The following NDST4 variants were observed in gnomAD, a reference collection of about 807,000 sequenced individuals.
The protein encoded by NDST4 is N-deacetylase and N-sulfotransferase 4.
A neutral mutation model predicts 100.8 loss-of-function variants in NDST4; 63 were observed. That is an observed-to-expected ratio of 0.62 (90% CI 0.51 to 0.77). The LOEUF (loss-of-function observed/expected upper bound fraction) is 0.77, where lower values mean the gene tolerates loss of function less well. Among genes scored for constraint, NDST4 ranks in the 30% least tolerant of loss-of-function variants. The probability of loss-of-function intolerance (pLI) is 0.00; values close to 1 mark genes in which losing one functional copy is unlikely to be tolerated. For synonymous variants in NDST4, 377 were observed against 361.8 expected, an observed-to-expected ratio of 1.04 and a Z score of -0.48; for missense variants, 943 against 1,018.4, an observed-to-expected ratio of 0.93 and a Z score of 1.01.
intron 2 of NDST4, among the ~76,000 whole-genome samples, chr4:115,054,691 G>A (rs888491956): frequency 2.6e-5 from 4 of 152,080 alleles, no homozygotes; most frequent in African/African-American, 9.7e-5. Context: ...CCATTCCAGA[G>A]GAAAACCAAT....
At chr4:114,940,625 A>G (rs1725728497) in intron 4 of NDST4, among the ~76,000 whole-genome samples, 1 of 152,168 alleles carries the variant, frequency 6.6e-6, no homozygotes, top group Non-Finnish European at 1.5e-5. Flanking sequence ...TTTGCCGTCC[A>G]TGGATGGCTT....
chr4:115,005,370 T>C (rs1037127888), intron 2 of NDST4, among the ~76,000 whole-genome samples: 1 of 152,076 alleles, frequency 6.6e-6, no homozygotes. Flanking sequence ...TAATGGCAGG[T>C]GTTTCTAAGC....
chr4:115,018,868 C>T (rs1578457750), intron 2 of NDST4, among the ~76,000 whole-genome samples: 2 of 151,912 alleles, frequency 1.3e-5, no homozygotes, highest in East Asian at 1.9e-4. Context: ...TCTCCCAAAA[C>T]TTATCTTTCA....
At chr4:114,841,786 T>C (rs777895502) in intron 10 of NDST4, among the ~76,000 whole-genome samples, 1 of 152,230 alleles carries the variant, frequency 6.6e-6, no homozygotes, top group Non-Finnish European at 1.5e-5. Context: ...TGGGAAATAC[T>C]GACTCGTGTA....
At chr4:114,956,777 C>A (rs1726150911) in intron 4 of NDST4, among the ~76,000 whole-genome samples, 2 of 152,116 alleles carry the variant, frequency 1.3e-5, no homozygotes, top group South Asian at 2.1e-4. Context: ...AATTATCCAG[C>A]CATTCCATTT....
chr4:114,939,138 G>C (rs11736926), intron 4 of NDST4, among the ~76,000 whole-genome samples: 110,183 of 152,020 alleles, frequency 0.72, 40,895 homozygotes, highest in African/African-American at 0.89. Flanking sequence ...TTCCATGCTC[G>C]CCAATGAGTG....
chr4:114,836,460 G>T (rs986857905), intron 11 of NDST4, among the ~76,000 whole-genome samples: 3 of 152,096 alleles, frequency 2.0e-5, no homozygotes, highest in African/African-American at 7.2e-5. Flanking sequence ...CTCTCTTCTG[G>T]CTTGTAGGGG....
chr4:115,019,825 C>T (rs1432616334), intron 2 of NDST4, among the ~76,000 whole-genome samples: 1 of 152,080 alleles, frequency 6.6e-6, no homozygotes, highest in African/African-American at 2.4e-5. Flanking sequence ...GTTGGGCTAG[C>T]TTCCCAGTCT....
At position 114,989,235 on chromosome 4, in the gene NDST4, T is replaced by G. The variant is rs568597971; in HGVS notation, c.979-11961A>C. 4.3e-4 allele frequency among the ~76,000 whole-genome samples: 66 copies of G among 152,330 alleles called. 3 individuals carry two copies. The South Asian group carries it at 0.014, about 32-fold the overall frequency. On this transcript the variant is annotated intron_variant, in intron 2 of 13. Transcript: ENST00000264363. ...ATGCATGAATGGTAACATTTTCCAG[T>G]ACAGCTCTCATTTCCCAACAAGAGA...
chr4:114,922,190 G>T (rs182499219), intron 6 of NDST4, among the ~76,000 whole-genome samples: 72 of 152,278 alleles, frequency 4.7e-4, no homozygotes, highest in Admixed American at 1.6e-3. Context: ...TGAAACTGGT[G>T]ATCAGCAGCT....
In NDST4 at chr4:115,008,942, A is replaced by G. The variant is rs1578449285; in HGVS notation, c.979-31668T>C. Among the ~76,000 whole-genome samples, 4 of 128,372 alleles carry G rather than the reference A, an allele frequency of 3.1e-5. 2 individuals carry two copies. The Middle Eastern group carries it at 0.017, about 558-fold the overall frequency. The allele number at this position is 128,372 out of a possible 152,430, so 84.2% of individuals were successfully genotyped here. On this transcript the variant is annotated intron_variant, in intron 2 of 13. Transcript: ENST00000264363. ...GTGAACTCCTATTCACAATTGCTTC[A>G]AAGAGAATAAAATACCTAGGAATCC...
chr4:114,933,023 G>C (rs748871335), intron 6 of NDST4, among the ~76,000 whole-genome samples: 1 of 152,052 alleles, frequency 6.6e-6, no homozygotes, highest in Non-Finnish European at 1.5e-5. Flanking sequence ...AAGCAATCTT[G>C]AGAAACAAGA....
intron 2 of NDST4, among the ~76,000 whole-genome samples, chr4:115,034,199 T>C (rs1378255124): frequency 2.6e-5 from 4 of 152,088 alleles, no homozygotes; most frequent in African/African-American, 9.7e-5. Flanking sequence ...TTCAAACATG[T>C]TAATTACATT....
At chr4:115,075,497 G>A (rs1729158584) in intron 2 of NDST4, among the ~76,000 whole-genome samples, 1 of 152,070 alleles carries the variant, frequency 6.6e-6, no homozygotes, top group Non-Finnish European at 1.5e-5. Context: ...CTTAAGAAGA[G>A]GCAAGGAGGC....
At chr4:115,012,200 A>G (rs570508938) in intron 2 of NDST4, among the ~76,000 whole-genome samples, 3 of 152,168 alleles carry the variant, frequency 2.0e-5, no homozygotes, top group East Asian at 1.9e-4. Context: ...ATAATTTATC[A>G]ATTTTATAAC....
intron 4 of NDST4, among the ~76,000 whole-genome samples, chr4:114,956,587 C>T (rs1449147568): frequency 6.6e-5 from 10 of 152,118 alleles, no homozygotes; most frequent in African/African-American, 1.9e-4. Context: ...AAGTATACAG[C>T]TGATAATTAG....
chr4:114,889,189 A>G (rs934385473), intron 6 of NDST4, among the ~76,000 whole-genome samples: 20 of 152,336 alleles, frequency 1.3e-4, no homozygotes, highest in African/African-American at 4.3e-4. Context: ...CTTTGCTACC[A>G]AGTTAAATAC....
chr4:114,903,482 A>C (rs182340217), intron 6 of NDST4, among the ~76,000 whole-genome samples: 2 of 152,110 alleles, frequency 1.3e-5, no homozygotes, highest in Non-Finnish European at 2.9e-5. Flanking sequence ...TGTCAAGTAC[A>C]GTTCAGTTTT....
At chr4:115,092,676 G>A (rs1729542682) in intron 1 of NDST4, among the ~76,000 whole-genome samples, 1 of 152,110 alleles carries the variant, frequency 6.6e-6, no homozygotes, top group Non-Finnish European at 1.5e-5. Context: ...AGTTAAGGGT[G>A]TATATTGTAG....
Sources: gnomAD v4.1 joint callset for allele counts (sites outside exome capture counted in the v4.1 genomes callset) on GRCh38, gnomAD v4.1.1 for gene constraint, MANE v1.5 for transcripts, NCBI Gene and HGNC (gene_info 2026-07-23, HGNC 2026-07-21) for gene names.